The following SYNE1 variants were observed in gnomAD, a reference collection of about 807,000 sequenced individuals.
SYNE1 encodes spectrin repeat containing nuclear envelope protein 1.
A neutral mutation model predicts 1,111.0 loss-of-function variants in SYNE1; 616 were observed. The observed-to-expected ratio is 0.55, with a 90% CI of 0.52 to 0.59. The LOEUF is 0.59. Ranked by LOEUF, SYNE1 falls within the 20% of genes least tolerant of loss-of-function variation. SYNE1 has a pLI of 0.00. For missense variants in SYNE1, 10,006 were observed against 10,417.0 expected (o/e 0.96, Z 1.72); for synonymous variants, 3,855 against 3,825.8 (o/e 1.01, Z -0.28).
intron 51 of SYNE1, among the ~76,000 whole-genome samples, chr6:152,393,680 G>A (rs2097684135): frequency 6.6e-6 from 1 of 152,050 alleles, no homozygotes; most frequent in African/African-American, 2.4e-5. Flanking sequence ...CATCAAACTA[G>A]CATACCAACA....
At chr6:152,631,974 C>T (rs2129015404) in intron 2 of SYNE1, among the ~76,000 whole-genome samples, 1 of 152,230 alleles carries the variant, frequency 6.6e-6, no homozygotes, top group South Asian at 2.1e-4. Context: ...AAATACCTAG[C>T]CCAGGATCCA....
At position 152,330,350 on chromosome 6, in the gene SYNE1, C is replaced by T. The variant is rs368490158; in HGVS notation, c.14335G>A (p.Ala4779Thr). 1.5e-5 allele frequency: 25 copies of T among 1,614,142 alleles called. No homozygotes were observed. In the East Asian group the frequency reaches 2.7e-4, roughly 17 times the overall value. The change falls in exon 78 of 146, where the codon GCT (alanine) becomes ACT (threonine). Residue 4779 changes from alanine to threonine, a missense_variant. This residue lies in a region of SYNE1 where 4,955 missense variants were observed against 5,017.2 expected (regional missense o/e 0.99). Transcript: ENST00000367255. ...CACATCTTCTCGTGTTCTTGGTAAGCACTGGTGGTGTCTTCTAATAAGCTA... is the reference window on the plus strand; with the variant it reads ...CACATCTTCTCGTGTTCTTGGTAAGTACTGGTGGTGTCTTCTAATAAGCTA... ...RVSLLEDTTS[A>T]YQEHEKMCQQ...
Position 152,308,569 on chromosome 6 carries a change from C to T in SYNE1, c.17266G>A (p.Gly5756Arg), listed in dbSNP as rs1421315878. ...EMKHLQQLIE[G>R]AHREIEDKPV... is the part of the protein sequence containing the mutation. ...TTATCCTCAATCTCTCTGTGAGCTC[C>T]TTCTATCAGTTGCTGGAGATGTTTC... Residue 5756 changes from glycine to arginine, a missense_variant, in exon 91 of 146, where the codon GGA becomes AGA. Physicochemically the swap from Gly to Arg is moderately radical, Grantham distance 125. This residue lies in a region of SYNE1 where 4,955 missense variants were observed against 5,017.2 expected (regional missense o/e 0.99). Transcript: ENST00000367255. 1 of 1,613,670 alleles carries T rather than the reference C, an allele frequency of 6.2e-7. No individual in the cohort carries two copies. The highest frequency in any genetic ancestry group is 8.5e-7 in the Non-Finnish European group (1 of 1,179,968).
At chr6:152,568,289 C>CTTTTTTTTTTTTTTTTTTTT (rs10601350) in intron 3 of SYNE1, among the ~76,000 whole-genome samples, 2 of 80,284 alleles carry the variant, frequency 2.5e-5, no homozygotes, top group Non-Finnish European at 4.4e-5. Context: ...TTATTTTATT[C>CTTTTTTTTTTTTTTTTTTTT]TTTTTTTTTT....
chr6:152,525,732 A>C (rs1443264266), intron 5 of SYNE1, among the ~76,000 whole-genome samples: 1 of 152,232 alleles, frequency 6.6e-6, no homozygotes, highest in African/African-American at 2.4e-5. Context: ...AATGGAAGAC[A>C]AACACTTAAA....
At chr6:152,350,077 C>T (rs2096715191) in intron 72 of SYNE1, 91 bp downstream of exon 72, 2 of 1,484,716 alleles carry the variant, frequency 1.3e-6, no homozygotes, top group Admixed American at 3.4e-5. Flanking sequence ...CCTGTGTGTG[C>T]ACCCCCACAC....
intron 3 of SYNE1, among the ~76,000 whole-genome samples, chr6:152,609,694 GCCTAACTGGGATACA>G (rs2099625845): frequency 6.6e-6 from 1 of 152,194 alleles, no homozygotes; most frequent in African/African-American, 2.4e-5. Context: ...CCCCCATGTA[GCCTAACTGGGATACA>G]CCTCCCAGTA....
intron 3 of SYNE1, among the ~76,000 whole-genome samples, chr6:152,575,839 G>A (rs12528046): frequency 0.2 from 31,022 of 152,102 alleles, 3,558 homozygotes; most frequent in African/African-American, 0.28. Flanking sequence ...AATGTAATAG[G>A]CATTTAATGC....
Position 152,455,878 on chromosome 6 carries a change from CA to C in SYNE1, c.2727+7del. ...GCTCACAGCTCTAAAGCAGGGAGAG[CA>C]AATTACCTGAAAAGCAACATGAATA... On this transcript the variant is annotated splice_region_variant and intron_variant, in intron 23 of 145. Transcript: ENST00000367255. The C allele has an allele frequency of 6.2e-7, 1 of 1,613,992 alleles. No individual in the cohort carries two copies. The highest frequency in any genetic ancestry group is 1.1e-5 in the South Asian group (1 of 91,070).
rs1445787362 is a variant in SYNE1 at position 152,318,180 on chromosome 6, G to A, written c.16473C>T (p.Gly5491=). Residue 5491 remains glycine, a synonymous_variant, in exon 86 of 146, where the codon GGC becomes GGT. Transcript: ENST00000367255. The part of the protein sequence containing the change: ...AAVQKFLEQN[G]QLGKPLAKKI... ...TCTTGGCCAGTGGCTTACCCAGTTG[G>A]CCATTCTGTTCCAAGAATTTCTGTA... 2.5e-6 allele frequency: 4 copies of A among 1,614,016 alleles called. No individual in the cohort carries two copies. The highest frequency in any genetic ancestry group is 3.4e-6 in the Non-Finnish European group (4 of 1,180,002).
Position 152,391,427 on chromosome 6 carries a change from G to C in SYNE1, c.7854C>G (p.Ser2618Arg), listed in dbSNP as rs79449810. 1 of 1,613,986 alleles carries C rather than the reference G, an allele frequency of 6.2e-7. No homozygotes were observed. The change falls in exon 52 of 146, where the codon AGC (serine) becomes AGG (arginine). Residue 2618 changes from serine to arginine, a missense_variant. Ser to Arg is a moderately radical substitution (Grantham distance 110, BLOSUM62 -1). Transcript: ENST00000367255. ...CGTGCTCCTGAAGGGCCACCTGGCA[G>C]CTCCGGAGTTTCTCTTTGGTCATTC... is the stretch of plus-strand genomic sequence containing the variant. ...LLRMTKEKLR[S>R]CQVALQEHEA...
At position 152,294,014 on chromosome 6, in the gene SYNE1, G is replaced by T; in HGVS notation, c.17796C>A (p.Ser5932=). ...GCAAATCACCCAGTTTGGCAGTAGC[G>T]GATGGCTCCAATCCCGGTTCATAGA... ...QEFYEPGLEP[S]ATAKLGDLQR... The change falls in exon 94 of 146, where the codon TCC becomes TCA. Residue 5932 remains serine, a synonymous_variant. Coordinates refer to ENST00000367255, the MANE Select transcript of SYNE1 (RefSeq NM_182961.4). 1 of 1,614,068 alleles carries T rather than the reference G, an allele frequency of 6.2e-7. No individual in the cohort carries two copies. The highest frequency in any genetic ancestry group is 1.3e-5 in the African/African-American group (1 of 75,000).
chr6:152,446,393 A>T (rs1250337070), intron 29 of SYNE1, among the ~76,000 whole-genome samples: 1 of 152,156 alleles, frequency 6.6e-6, no homozygotes, highest in Non-Finnish European at 1.5e-5. Context: ...TCAAAAACTC[A>T]TAGGGAAACT....
At chr6:152,306,254 G>C (rs371575436) in intron 91 of SYNE1, among the ~76,000 whole-genome samples, 1 of 152,168 alleles carries the variant, frequency 6.6e-6, no homozygotes, top group East Asian at 1.9e-4. Flanking sequence ...GGGAGGCCAA[G>C]GTAGATGGAT....
At chr6:152,257,907 A>G (rs1210299671) in intron 101 of SYNE1, among the ~76,000 whole-genome samples, 1 of 152,148 alleles carries the variant, frequency 6.6e-6, no homozygotes, top group East Asian at 1.9e-4. Flanking sequence ...CTTAAATATA[A>G]AAAAAGTACA....
intron 56 of SYNE1, among the ~76,000 whole-genome samples, chr6:152,379,150 A>G (rs888339029): frequency 6.6e-6 from 1 of 152,214 alleles, no homozygotes; most frequent in Admixed American, 6.5e-5. Context: ...TTAAAAGTGA[A>G]AAGTTTTTGA....
rs1241558538 is a variant in SYNE1 at position 152,310,512 on chromosome 6, T to G, written c.16903A>C (p.Lys5635Gln). Reference protein sequence around the residue: ...QNLQDAAKDMKKFEAELKKLQ... With the variant: ...QNLQDAAKDMQKFEAELKKLQ... ...TTTTTCAACTCTGCTTCAAATTTTT[T>G]CATATCCTAGAGAGTCAATATCAAT... is the stretch of plus-strand genomic sequence containing the variant. Residue 5635 changes from lysine (K) to glutamine (Q), a missense_variant, in exon 89 of 146, where the codon AAA becomes CAA. Around this residue, in one of 7 missense-constraint regions of SYNE1, gnomAD observed 4,955 missense variants for 5,017.2 expected, o/e 0.99. Transcript: ENST00000367255. The G allele has an allele frequency of 9.3e-6, 15 of 1,614,078 alleles. No individual in the cohort carries two copies. Among genetic ancestry groups the G allele is most frequent in the South Asian group, 2.2e-5 (2 of 91,078 alleles).
At position 152,399,780 on chromosome 6, in the gene SYNE1, G is replaced by A; in HGVS notation, c.7073C>T (p.Ser2358Phe). The A allele has an allele frequency of 2.5e-6, 4 of 1,614,140 alleles. No homozygotes were observed. Among genetic ancestry groups the A allele is most frequent in the Non-Finnish European group, 3.4e-6 (4 of 1,180,006 alleles). The change falls in exon 48 of 146, where the codon TCT (serine) becomes TTT (phenylalanine). Residue 2358 changes from serine (S) to phenylalanine (F), a missense_variant. Coordinates refer to ENST00000367255, the MANE Select transcript of SYNE1 (RefSeq NM_182961.4). ...CAAGCTATTGAGATTTTCTTGGGTAGAGCTGATGTTGCTTTGTTGACTTTG... is the reference window on the plus strand; with the variant it reads ...CAAGCTATTGAGATTTTCTTGGGTAAAGCTGATGTTGCTTTGTTGACTTTG... The part of the protein sequence containing the change: ...ELQSQQSNIS[S>F]TQENLNSLCR...
chr6:152,386,333 G>C (rs952730731), intron 54 of SYNE1, among the ~76,000 whole-genome samples: 3 of 152,252 alleles, frequency 2.0e-5, no homozygotes, highest in African/African-American at 7.2e-5. Flanking sequence ...ACATTCAAAA[G>C]TGTCAAAGCC....
Sources: allele counts gnomAD v4.1 joint callset (sites outside exome capture counted in the v4.1 genomes callset), GRCh38; gene constraint gnomAD v4.1.1; regional missense constraint gnomAD v4.1.1; transcripts MANE v1.5; gene names NCBI Gene and HGNC (gene_info 2026-07-23, HGNC 2026-07-21).